The following NINL variants were observed in gnomAD, a reference collection of about 807,000 sequenced individuals.
NINL encodes ninein like.
In NINL, 153 loss-of-function variants were observed where a neutral mutation model predicts 160.3. The observed-to-expected ratio is 0.95, with a 90% confidence interval of 0.84 to 1.09. The LOEUF (loss-of-function observed/expected upper bound fraction) is 1.09. NINL is among the 50% of genes least tolerant of loss of function. NINL has a pLI of 0.00. For missense variants in NINL, 1,829 were observed against 1,764.0 expected (o/e 1.04, Z -0.66); for synonymous variants, 800 against 734.8 (o/e 1.09, Z -1.43).
At chr20:25,464,578 T>G (rs1459939459) in intron 19 of NINL, among the ~76,000 whole-genome samples, 2 of 152,144 alleles carry the variant, frequency 1.3e-5, no homozygotes, top group Non-Finnish European at 2.9e-5. Flanking sequence ...CTTTGCCCCC[T>G]ACACACACAG....
At chr20:25,561,161 C>T (rs932738273) in intron 1 of NINL, among the ~76,000 whole-genome samples, 1 of 152,084 alleles carries the variant, frequency 6.6e-6, no homozygotes, top group African/African-American at 2.4e-5. Flanking sequence ...CTCAGCCTGC[C>T]GAGTGCCTGC....
chr20:25,524,242 A>G (rs982868760), intron 2 of NINL, among the ~76,000 whole-genome samples: 1 of 152,204 alleles, frequency 6.6e-6, no homozygotes, highest in African/African-American at 2.4e-5. Flanking sequence ...ACAGGCAGGG[A>G]GAGGTGAACG....
At chr20:25,557,854 C>T (rs189527129) in intron 1 of NINL, among the ~76,000 whole-genome samples, 4 of 151,692 alleles carry the variant, frequency 2.6e-5, no homozygotes, top group East Asian at 3.9e-4. Flanking sequence ...CTGGGCTGGG[C>T]GCAGTGGCTC....
At chr20:25,555,541 A>T (rs1771183745) in intron 1 of NINL, among the ~76,000 whole-genome samples, 1 of 152,226 alleles carries the variant, frequency 6.6e-6, no homozygotes, top group African/African-American at 2.4e-5. Context: ...TACAAAGATA[A>T]CACACTCATG....
At chr20:25,584,358 G>A (rs138171340) in intron 1 of NINL, among the ~76,000 whole-genome samples, 3 of 152,244 alleles carry the variant, frequency 2.0e-5, no homozygotes, top group Non-Finnish European at 2.9e-5. Flanking sequence ...TACTCGGGAG[G>A]CTGAGGCAGG....
At chr20:25,568,542 G>A (rs2065019397) in intron 1 of NINL, among the ~76,000 whole-genome samples, 1 of 151,846 alleles carries the variant, frequency 6.6e-6, no homozygotes, top group African/African-American at 2.4e-5. Context: ...CTGAGTAGCT[G>A]TGACTACAGG....
chr20:25,515,967 G>T (rs1329558066), intron 3 of NINL, among the ~76,000 whole-genome samples: 1 of 152,004 alleles, frequency 6.6e-6, no homozygotes, highest in Non-Finnish European at 1.5e-5. Context: ...AGTAGAGACG[G>T]GGTTTCACCA....
intron 1 of NINL, among the ~76,000 whole-genome samples, chr20:25,563,500 T>C (rs2064967453): frequency 1.3e-5 from 2 of 152,068 alleles, no homozygotes; most frequent in Non-Finnish European, 2.9e-5. Flanking sequence ...TAAAACCTAA[T>C]GAACAAAAAG....
chr20:25,481,060 C>A (rs909781093), intron 14 of NINL, among the ~76,000 whole-genome samples: 3 of 152,168 alleles, frequency 2.0e-5, no homozygotes, highest in Admixed American at 2.0e-4. Context: ...GTCTCACATG[C>A]ACAAAAGCCC....
rs572737774 is a variant in NINL at position 25,461,624 on chromosome 20, G to C, written c.3594C>G (p.Ile1198Met). The change falls in exon 21 of 24, where the codon ATC becomes ATG. Residue 1198 changes from isoleucine (I) to methionine (M), a missense_variant. Coordinates refer to ENST00000278886, the MANE Select transcript of NINL (RefSeq NM_025176.6). Reference protein sequence around the residue: ...VRSGQQQSDQIQKLRVELECL... With the variant: ...VRSGQQQSDQMQKLRVELECL... Reference sequence around the variant, plus strand: ...ATTCAAGTTCAACTCTAAGTTTTTGGATTTGGTCACTCTGTTTTTAAAAAA... The same window carrying C: ...ATTCAAGTTCAACTCTAAGTTTTTGCATTTGGTCACTCTGTTTTTAAAAAA... The C allele has an allele frequency of 7.4e-5, 119 of 1,611,078 alleles. No homozygotes were observed. In the South Asian group the frequency reaches 1.2e-3, roughly 16 times the overall value.
intron 5 of NINL, among the ~76,000 whole-genome samples, chr20:25,507,734 G>A (rs2063990354): frequency 6.6e-6 from 1 of 152,196 alleles, no homozygotes; most frequent in Non-Finnish European, 1.5e-5. Context: ...TGACACTGTG[G>A]GTTGGGTTGA....
chr20:25,552,053 A>C (rs1405670366), intron 1 of NINL, among the ~76,000 whole-genome samples: 1 of 152,186 alleles, frequency 6.6e-6, no homozygotes, highest in Non-Finnish European at 1.5e-5. Flanking sequence ...CATTGTTGTG[A>C]AGTTACAGCT....
intron 7 of NINL, among the ~76,000 whole-genome samples, chr20:25,503,318 A>G (rs530071522): frequency 7.0e-6 from 1 of 141,916 alleles, no homozygotes; most frequent in African/African-American, 2.7e-5. Flanking sequence ...CTGTAACCCC[A>G]GGAGGTGGGC....
At chr20:25,576,173 C>G (rs2065112729) in intron 1 of NINL, among the ~76,000 whole-genome samples, 1 of 152,196 alleles carries the variant, frequency 6.6e-6, no homozygotes, top group African/African-American at 2.4e-5. Flanking sequence ...TTTCCTGTCC[C>G]TTTAAACCAG....
chr20:25,565,651 T>C (rs1674875382), intron 1 of NINL, among the ~76,000 whole-genome samples: 2 of 152,178 alleles, frequency 1.3e-5, no homozygotes, highest in Non-Finnish European at 2.9e-5. Flanking sequence ...TCATCTTGAC[T>C]GAATAAAGAA....
intron 1 of NINL, among the ~76,000 whole-genome samples, chr20:25,557,974 C>A (rs1006517611): frequency 1.0e-3 from 134 of 132,628 alleles, no homozygotes; most frequent in Non-Finnish European, 1.2e-3. Flanking sequence ...ACTAAAAATA[C>A]AAAAAAAAAA....
chr20:25,476,572 A>C lies in NINL; in HGVS notation c.2719T>G (p.Ser907Ala). 7 of 1,599,256 alleles carry C rather than the reference A, an allele frequency of 4.4e-6. No homozygotes were observed. The highest frequency in any genetic ancestry group is 5.9e-6 in the Non-Finnish European group (7 of 1,179,682). ...PASHGPSERW[S>A]RMQPCGVDGD... ...TCCACTCCACAGGGCTGCATGCGTG[A>C]CCACCTCTCTGAGGGGCCGTGGGAT... is the stretch of plus-strand genomic sequence containing the variant. The change falls in exon 17 of 24, where the codon TCA becomes GCA. Residue 907 changes from serine to alanine, a missense_variant. Transcript: ENST00000278886.
At chr20:25,501,058 G>A (rs557822704) in intron 7 of NINL, 48 bp from the exon 8 acceptor site, 64 of 1,581,732 alleles carry the variant, frequency 4.0e-5, no homozygotes, top group South Asian at 3.2e-4. Flanking sequence ...AAAGCCTCAC[G>A]CCTGTGTGCT....
intron 23 of NINL, among the ~76,000 whole-genome samples, chr20:25,454,597 A>G (rs2090619942): frequency 6.6e-6 from 1 of 152,128 alleles, no homozygotes; most frequent in South Asian, 2.1e-4. Flanking sequence ...CCTCATGTAG[A>G]CCAAACCATA....
Sources: gnomAD v4.1 joint callset for allele counts (sites outside exome capture counted in the v4.1 genomes callset) on GRCh38, gnomAD v4.1.1 for gene constraint, MANE v1.5 for transcripts, NCBI Gene and HGNC (gene_info 2026-07-23, HGNC 2026-07-21) for gene names.